The following RBM19 variants were observed in gnomAD, a reference collection of about 807,000 sequenced individuals.
RBM19 encodes RNA binding motif protein 19.
A neutral mutation model predicts 116.8 loss-of-function variants in RBM19; 94 were observed. The observed-to-expected ratio is 0.80, with a 90% CI of 0.68 to 0.95. RBM19 has a LOEUF of 0.95. RBM19 is among the 40% of genes least tolerant of loss of function. The pLI is 0.00. For missense variants in RBM19, 1,161 were observed against 1,220.7 expected (o/e 0.95, Z 0.73); for synonymous variants, 475 against 494.1 (o/e 0.96, Z 0.51).
chr12:113,902,577 C>T (rs1466885704), intron 21 of RBM19, among the ~76,000 whole-genome samples: 2 of 108,410 alleles, frequency 1.8e-5, no homozygotes, highest in Admixed American at 1.3e-4. Flanking sequence ...CTAGCCTGGA[C>T]AACAGAATGA....
chr12:113,817,860 C>A (rs76547989), downstream of RBM19: 12,204 of 152,212 alleles, frequency 0.08, 864 homozygotes, highest in African/African-American at 0.16. Flanking sequence ...TTTGGGAGAA[C>A]AAGGTGGGTG....
intron 22 of RBM19, among the ~76,000 whole-genome samples, chr12:113,855,049 G>A (rs1375190830): frequency 6.6e-6 from 1 of 152,196 alleles, no homozygotes; most frequent in Non-Finnish European, 1.5e-5. Context: ...TATGTGTGCT[G>A]AATCCAAAAA....
At chr12:113,823,431 A>G (rs1874594530) in intron 23 of RBM19, 110 bp from the exon 24 acceptor site, 3 of 896,970 alleles carry the variant, frequency 3.3e-6, no homozygotes, top group Admixed American at 2.1e-5. Context: ...TGAGCAGAAC[A>G]AGGGTGCGGG....
At chr12:113,878,632 G>GACACAC (rs55868508) in intron 21 of RBM19, among the ~76,000 whole-genome samples, 22,965 of 137,672 alleles carry the variant, frequency 0.17, 2,491 homozygotes, top group East Asian at 0.45. Context: ...CATTCTCCCT[G>GACACAC]ACACACACAC....
At chr12:113,848,009 T>C (rs374870852) in intron 22 of RBM19, among the ~76,000 whole-genome samples, 3 of 152,318 alleles carry the variant, frequency 2.0e-5, no homozygotes, top group Admixed American at 6.5e-5. Context: ...TGGCCTGCCT[T>C]GGTTCAAATC....
chr12:113,855,465 T>C (rs1462048402), intron 22 of RBM19, among the ~76,000 whole-genome samples: 1 of 152,176 alleles, frequency 6.6e-6, no homozygotes, highest in Non-Finnish European at 1.5e-5. Flanking sequence ...GCTTAAGAGG[T>C]GGCCGATGCC....
chr12:113,824,012 T>C lies in RBM19; in HGVS notation c.2786-691A>G, dbSNP rs543088104. On this transcript the variant is annotated intron_variant, in intron 23 of 23. Coordinates refer to ENST00000261741, the MANE Select transcript of RBM19 (RefSeq NM_016196.4). ...GCTTTGAAGAGGAGGACTATTTGAC[T>C]TGGGCTTTGAAGAATGCAGAGGAGT... Among the ~76,000 whole-genome samples, 3 of 152,190 alleles carry C rather than the reference T, an allele frequency of 2.0e-5. No homozygotes were observed. The East Asian group carries it at 5.8e-4, about 29-fold the overall frequency.
intron 7 of RBM19, among the ~76,000 whole-genome samples, chr12:113,954,903 G>A (rs988469362): frequency 6.6e-6 from 1 of 152,048 alleles, no homozygotes; most frequent in South Asian, 2.1e-4. Flanking sequence ...CCCTGGTGTG[G>A]GTACTGGTGA....
chr12:113,962,866 A>G (rs1471469663), intron 1 of RBM19, among the ~76,000 whole-genome samples: 1 of 152,228 alleles, frequency 6.6e-6, no homozygotes, highest in African/African-American at 2.4e-5. Context: ...GTTACCTTAC[A>G]AGGCAAAAGG....
intron 21 of RBM19, among the ~76,000 whole-genome samples, chr12:113,860,722 C>T (rs1401637411): frequency 6.6e-6 from 1 of 152,148 alleles, no homozygotes; most frequent in Non-Finnish European, 1.5e-5. Context: ...TGCCCCCATC[C>T]ACAGTGTCAC....
chr12:113,864,609 C>T (rs556445836), intron 21 of RBM19, among the ~76,000 whole-genome samples: 9 of 152,304 alleles, frequency 5.9e-5, no homozygotes, highest in African/African-American at 2.2e-4. Context: ...TGGCCAAGGG[C>T]CCCAGTTGTG....
chr12:113,958,245 ATATT>A (rs1173565460), intron 5 of RBM19, among the ~76,000 whole-genome samples, 195 bp from the exon 6 acceptor site: 3 of 152,074 alleles, frequency 2.0e-5, no homozygotes, highest in African/African-American at 7.2e-5. Flanking sequence ...TGCAGCTTTG[ATATT>A]CTCTGTGCCA....
In RBM19 at chr12:113,825,719, C is replaced by T. The variant is rs748635536; in HGVS notation, c.2786-2398G>A. ...GGACTGGCGAGGGGCGAGTTCTAGC[C>T]CCATCCATTGTGTCGGCTCAACCTG... On this transcript the variant is annotated intron_variant, in intron 23 of 23. Transcript: ENST00000261741. The surrounding 1 kb of genome is among the most constrained non-coding windows in gnomAD (Gnocchi z 5.7). Among the ~76,000 whole-genome samples, 1 of 149,760 alleles carries T rather than the reference C, an allele frequency of 6.7e-6. No homozygotes were observed. The highest frequency in any genetic ancestry group is 2.6e-5 in the African/African-American group (1 of 39,142).
intron 21 of RBM19, among the ~76,000 whole-genome samples, chr12:113,896,525 T>C (rs553114579): frequency 1.1e-3 from 172 of 152,338 alleles, no homozygotes; most frequent in Non-Finnish European, 2.0e-3. Flanking sequence ...AGAAAATTAA[T>C]TTTCTTCTGA....
intron 21 of RBM19, among the ~76,000 whole-genome samples, chr12:113,907,248 C>T (rs1047283648): frequency 6.6e-6 from 1 of 152,174 alleles, no homozygotes; most frequent in South Asian, 2.1e-4. Flanking sequence ...CACCATGTCA[C>T]GGAATTTATT....
chr12:113,878,285 C>T (rs1213841722), intron 21 of RBM19, among the ~76,000 whole-genome samples: 1 of 152,182 alleles, frequency 6.6e-6, no homozygotes, highest in Admixed American at 6.5e-5. Context: ...GGTGTCTTGA[C>T]CTCCTCACTC....
At position 113,962,384 on chromosome 12, in the gene RBM19, CAA is replaced by C; in HGVS notation, c.65_66del (p.Phe22CysfsTer90). The C allele has an allele frequency of 6.2e-7, 1 of 1,614,124 alleles. No individual in the cohort carries two copies. Among genetic ancestry groups the C allele is most frequent in the Non-Finnish European group, 8.5e-7 (1 of 1,179,932 alleles). The stretch of plus-strand genomic sequence containing the variant: ...CAGTCTGTCAGCGTGCCGAAGGCGG[CAA>C]ACAGCTGCCTGAAACGCTCCTCCTT... ...GMKEERFRQL[F>X]AAFGTLTDCS... On this transcript the variant is annotated frameshift_variant, in exon 2 of 24. Coordinates refer to ENST00000261741, the MANE Select transcript of RBM19 (RefSeq NM_016196.4). LOFTEE classifies it high-confidence loss of function.
intron 14 of RBM19, among the ~76,000 whole-genome samples, chr12:113,941,671 A>T (rs1238924758): frequency 1.3e-5 from 2 of 151,676 alleles, no homozygotes; most frequent in African/African-American, 4.8e-5. Context: ...CCATCCATCC[A>T]TCCATCCACC....
intron 21 of RBM19, among the ~76,000 whole-genome samples, chr12:113,879,112 C>T (rs565635771): frequency 3.3e-5 from 5 of 152,234 alleles, no homozygotes; most frequent in Admixed American, 2.6e-4. Flanking sequence ...TCCTGGCCAC[C>T]CATCCTGCCC....
Sources: allele counts gnomAD v4.1 joint callset (sites outside exome capture counted in the v4.1 genomes callset), GRCh38; gene constraint gnomAD v4.1.1; non-coding constraint Gnocchi (gnomAD v3.1); transcripts MANE v1.5; gene names NCBI Gene and HGNC (gene_info 2026-07-23, HGNC 2026-07-21).